Variants in TRIM72 observed in about 807,000 individuals in gnomAD.
TRIM72 encodes tripartite motif containing 72.
A neutral mutation model predicts 31.6 loss-of-function variants in TRIM72; 33 were observed. The ratio of observed to expected loss-of-function variants is 1.04; its 90% CI spans 0.79 to 1.40. TRIM72 has a LOEUF of 1.40. Ranked by LOEUF, TRIM72 falls within the 40% of genes most tolerant of loss-of-function variation. TRIM72 has a pLI of 0.00. For missense variants in TRIM72, 666 were observed against 682.7 expected (o/e 0.98, Z 0.27); for synonymous variants, 301 against 314.4 (o/e 0.96, Z 0.45).
Position 31,215,261 on chromosome 16 carries a change from G to A in TRIM72, c.390+133G>A. On this transcript the variant is annotated intron_variant, in intron 2 of 6. Transcript: ENST00000322122. The surrounding 1 kb of genome is among the most constrained non-coding windows in gnomAD (Gnocchi z 6.3). The stretch of plus-strand genomic sequence containing the variant: ...GCTCCTGGAGTTGCGGGGGGCGGGG[G>A]CGGGGCGAAGCAGCCAGGAAAGAGG... 7.8e-7 allele frequency: 1 copy of A among 1,277,262 alleles called. No individual in the cohort carries two copies. Among genetic ancestry groups the A allele is most frequent in the Non-Finnish European group, 1.0e-6 (1 of 992,184 alleles). The allele number at this position is 1,277,262 out of a possible 1,614,324, so 79.1% of individuals were successfully genotyped here.
chr16:31,225,769 C>T lies in TRIM72; in HGVS notation c.*1014C>T, dbSNP rs2079553566. 6.8e-6 allele frequency: 1 copy of T among 146,940 alleles called. No homozygotes were observed. Among genetic ancestry groups the T allele is most frequent in the South Asian group, 2.3e-4 (1 of 4,408 alleles). 9.1% of individuals were successfully genotyped at this position (146,940 alleles called of 1,614,324 possible). ...CAGGGTTCAAGCAATTCTCATGCCT[C>T]AGCCTCCCAAGTAGCTGGGACTACA... On this transcript the variant is annotated 3_prime_UTR_variant, in exon 7 of 7. Transcript: ENST00000322122.
At chr16:31,220,254 G>T (rs1390886085) in intron 4 of TRIM72, among the ~76,000 whole-genome samples, 1 of 149,658 alleles carries the variant, frequency 6.7e-6, no homozygotes, top group East Asian at 2.0e-4. Context: ...GCCCAGACTG[G>T]TCTCAAATGC....
Position 31,224,665 on chromosome 16 carries a change from C to T in TRIM72, c.1344C>T (p.Pro448=). The change falls in exon 7 of 7, where the codon CCC becomes CCT. Residue 448 remains proline, a synonymous_variant. Transcript: ENST00000322122. ...CCTTCCACGAGCGCCTGCCCAGGCC[C>T]GTGTACCCCTTCTTCGACGTGTGCT... is the stretch of plus-strand genomic sequence containing the variant. ...LFAFHERLPR[P]VYPFFDVCWH... 6.5e-7 allele frequency: 1 copy of T among 1,549,086 alleles called. No individual in the cohort carries two copies. Among genetic ancestry groups the T allele is most frequent in the Non-Finnish European group, 8.7e-7 (1 of 1,154,560 alleles).
In TRIM72 at chr16:31,224,864, G is replaced by A; in HGVS notation, c.*109G>A. On this transcript the variant is annotated 3_prime_UTR_variant, in exon 7 of 7. Coordinates refer to ENST00000322122, the MANE Select transcript of TRIM72 (RefSeq NM_001008274.4). ...GGAGCGGGTTGCCAGGGCCCAGGGG[G>A]CTGGGAACTGGGGGATCTCCCAGAA... The A allele has an allele frequency of 7.9e-6, 9 of 1,139,022 alleles. No homozygotes were observed. The highest frequency in any genetic ancestry group is 1.1e-5 in the Non-Finnish European group (9 of 847,400). The allele number at this position is 1,139,022 out of a possible 1,614,324, so 70.6% of individuals were successfully genotyped here.
In TRIM72 at chr16:31,229,603, C is replaced by G. The variant is rs1463197929; in HGVS notation, c.*4848C>G. 2 of 152,142 alleles carry G rather than the reference C, an allele frequency of 1.3e-5. No homozygotes were observed. Among genetic ancestry groups the G allele is most frequent in the African/African-American group, 4.8e-5 (2 of 41,414 alleles). The allele number at this position is 152,142 out of a possible 1,614,324, so 9.4% of individuals were successfully genotyped here. On this transcript the variant is annotated 3_prime_UTR_variant, in exon 7 of 7. Coordinates refer to ENST00000322122, the MANE Select transcript of TRIM72 (RefSeq NM_001008274.4). Reference sequence around the variant, plus strand: ...GGGATGTAGGAAGGTGAAATGTGAACAGAGAAAGGAGTTCCTCCAGCACAT... The same window carrying G: ...GGGATGTAGGAAGGTGAAATGTGAAGAGAGAAAGGAGTTCCTCCAGCACAT...
At chr16:31,217,114 G>A in intron 2 of TRIM72, 2 of 1,391,174 alleles carry the variant, frequency 1.4e-6, no homozygotes. Flanking sequence ...GCCGCCCCCG[G>A]GGATGTCCCG....
rs1483519539 is a variant in TRIM72 at position 31,219,210 on chromosome 16, A to C, written c.486+20A>C. The C allele has an allele frequency of 6.2e-7, 1 of 1,613,906 alleles. No homozygotes were observed. Among genetic ancestry groups the C allele is most frequent in the Non-Finnish European group, 8.5e-7 (1 of 1,179,886 alleles). ...GTGGAGGTGAGGACTTCACAGGGCCATGTCTGAGGGCTGGGGGCCAGGCTA... is the reference window on the plus strand; with the variant it reads ...GTGGAGGTGAGGACTTCACAGGGCCCTGTCTGAGGGCTGGGGGCCAGGCTA... On this transcript the variant is annotated intron_variant, in intron 3 of 6. Coordinates refer to ENST00000322122, the MANE Select transcript of TRIM72 (RefSeq NM_001008274.4). This position sits in a 1 kb window ranked among gnomAD's most constrained non-coding sequence, Gnocchi z 4.2.
In TRIM72 at chr16:31,219,818, A is replaced by C. The variant is rs1183733063; in HGVS notation, c.717+299A>C. 6.6e-6 allele frequency among the ~76,000 whole-genome samples: 1 copy of C among 152,134 alleles called. No individual in the cohort carries two copies. The highest frequency in any genetic ancestry group is 1.5e-5 in the Non-Finnish European group (1 of 68,014). ...TACTCTGTCACCCAGGCTGGAGTGC[A>C]GTGGCAGGATCTTGGCTCACTGCAA... On this transcript the variant is annotated intron_variant, in intron 4 of 6. Transcript: ENST00000322122. This position sits in a 1 kb window ranked among gnomAD's most constrained non-coding sequence, Gnocchi z 4.2.
chr16:31,217,858 C>T (rs2079517419), intron 2 of TRIM72, among the ~76,000 whole-genome samples: 1 of 152,052 alleles, frequency 6.6e-6, no homozygotes, highest in South Asian at 2.1e-4. Flanking sequence ...CGTGATCCAC[C>T]CGCCCTGGCC....
chr16:31,222,864 C>T lies in TRIM72; in HGVS notation c.778C>T (p.Arg260Cys), dbSNP rs1185990761. The change falls in exon 6 of 7, where the codon CGT (arginine) becomes TGT (cysteine). Residue 260 changes from arginine (R) to cysteine (C), a missense_variant. Coordinates refer to ENST00000322122, the MANE Select transcript of TRIM72 (RefSeq NM_001008274.4). ...CCTGGCAGAGTCTCCCCCACCCGCC[C>T]GTCTGGACATCCAGCTGCCAATTAT... ...KILAESPPPARLDIQLPIISD... is the reference protein window; with the variant it reads ...KILAESPPPACLDIQLPIISD... 16 of 1,548,954 alleles carry T rather than the reference C, an allele frequency of 1.0e-5. No individual in the cohort carries two copies. The highest frequency in any genetic ancestry group is 1.7e-4 in the Middle Eastern group (1 of 5,904).
In TRIM72 at chr16:31,224,517, A is replaced by G. The variant is rs1339179097; in HGVS notation, c.1196A>G (p.Glu399Gly). 3 of 1,501,130 alleles carry G rather than the reference A, an allele frequency of 2.0e-6. No homozygotes were observed. Among genetic ancestry groups the G allele is most frequent in the South Asian group, 1.3e-5 (1 of 79,180 alleles). 93.0% of individuals were successfully genotyped at this position (1,501,130 alleles called of 1,614,324 possible). A position where few individuals can be genotyped will look rare whatever the true frequency, so the allele number is the denominator to read the frequency against. ...CTGGAGGCACACGTGGAGGCCAAGGAGCCGCGCGCTCTGCGCAGCCCCGAG... is the reference window on the plus strand; with the variant it reads ...CTGGAGGCACACGTGGAGGCCAAGGGGCCGCGCGCTCTGCGCAGCCCCGAG... ...KILEAHVEAK[E>G]PRALRSPERR... The change falls in exon 7 of 7, where the codon GAG (glutamate) becomes GGG (glycine). Residue 399 changes from glutamate (E) to glycine (G), a missense_variant. Transcript: ENST00000322122.
rs2144200064 is a variant in TRIM72 at position 31,224,612 on chromosome 16, GACGCCGACGCGCT to G, written c.1292_1304del (p.Asp431AlafsTer49). 2 of 1,552,718 alleles carry G rather than the reference GACGCCGACGCGCT, an allele frequency of 1.3e-6. No homozygotes were observed. Among genetic ancestry groups the G allele is most frequent in the East Asian group, 2.4e-5 (1 of 41,834 alleles). ...CGTCCTCTCCTTCTACGATGCCAGC[GACGCCGACGCGCT>G]CGTGCCGCTTTTTGCCTTCCACGAG... On this transcript the variant is annotated frameshift_variant, in exon 7 of 7. Coordinates refer to ENST00000322122, the MANE Select transcript of TRIM72 (RefSeq NM_001008274.4). LOFTEE classifies it high-confidence loss of function.
In TRIM72 at chr16:31,224,452, G is replaced by C; in HGVS notation, c.1131G>C (p.Ser377=). ...GCGGGCGCCTGCACGCGGTGCCCTC[G>C]CAGGGCCTGTGGCTGCTGGGGCTGC... ...PRRGRLHAVP[S]QGLWLLGLRE... is the part of the protein sequence containing the mutation. Residue 377 remains serine, a synonymous_variant, in exon 7 of 7, where the codon TCG becomes TCC. Coordinates refer to ENST00000322122, the MANE Select transcript of TRIM72 (RefSeq NM_001008274.4). The C allele has an allele frequency of 6.9e-7, 1 of 1,450,398 alleles. No homozygotes were observed. Among genetic ancestry groups the C allele is most frequent in the Non-Finnish European group, 9.0e-7 (1 of 1,114,302 alleles). The allele number at this position is 1,450,398 out of a possible 1,614,324, so 89.8% of individuals were successfully genotyped here.
chr16:31,222,482 CTTTTTT>C lies in TRIM72; in HGVS notation c.741-334_741-329del, dbSNP rs3060409. On this transcript the variant is annotated intron_variant, in intron 5 of 6. Transcript: ENST00000322122. The stretch of plus-strand genomic sequence containing the variant: ...TGACAATTTTCAGCTTCTTCTTCTT[CTTTTTT>C]TTTTTTTTTTAGACAGGATCTTGCT... 1.1e-3 allele frequency among the ~76,000 whole-genome samples: 125 copies of C among 117,962 alleles called. 1 individual carries two copies. Among genetic ancestry groups the C allele is most frequent in the African/African-American group, 3.7e-3 (121 of 32,358 alleles). The allele number at this position is 117,962 out of a possible 152,430, so 77.4% of individuals were successfully genotyped here.
At chr16:31,223,621 T>G (rs1055189341) in intron 6 of TRIM72, among the ~76,000 whole-genome samples, 3 of 152,036 alleles carry the variant, frequency 2.0e-5, no homozygotes, top group Non-Finnish European at 2.9e-5. Context: ...TTAGTCCTGT[T>G]GGCCAGGCTC....
At chr16:31,217,615 AT>A (rs536702762) in intron 2 of TRIM72, among the ~76,000 whole-genome samples, 5,966 of 137,098 alleles carry the variant, frequency 0.044, 270 homozygotes, top group African/African-American at 0.13. Flanking sequence ...TGCAGGGGAC[AT>A]TTTTTTTTTT....
intron 2 of TRIM72, chr16:31,217,002 C>A: frequency 6.2e-7 from 1 of 1,613,732 alleles, no homozygotes; most frequent in African/African-American, 1.3e-5. Flanking sequence ...CCAGCACCTT[C>A]AGGATGGCCT....
rs1320263821 is a variant in TRIM72, at chr16:31,229,942, G to A, written c.*5187G>A. 2 of 152,030 alleles carry A rather than the reference G, an allele frequency of 1.3e-5. No individual in the cohort carries two copies. The highest frequency in any genetic ancestry group is 4.8e-5 in the African/African-American group (2 of 41,392). The allele number at this position is 152,030 out of a possible 1,614,324, so 9.4% of individuals were successfully genotyped here. ...ATCTTTACTAAAAATACAAAAATTA[G>A]CCAGGCATGGTGGTGCATGCCTGCA... On this transcript the variant is annotated 3_prime_UTR_variant, in exon 7 of 7. Coordinates refer to ENST00000322122, the MANE Select transcript of TRIM72 (RefSeq NM_001008274.4).
At position 31,228,044 on chromosome 16, in the gene TRIM72, G is replaced by C. The variant is rs543198577; in HGVS notation, c.*3289G>C. ...GGCTCACTGCAACCTCTGCCTCCCA[G>C]GTTCAAGTGATCCTCCTGCCTCAGC... is the stretch of plus-strand genomic sequence containing the variant. On this transcript the variant is annotated 3_prime_UTR_variant, in exon 7 of 7. Coordinates refer to ENST00000322122, the MANE Select transcript of TRIM72 (RefSeq NM_001008274.4). 6.6e-6 allele frequency: 1 copy of C among 152,422 alleles called. No individual in the cohort carries two copies. Among genetic ancestry groups the C allele is most frequent in the East Asian group, 1.9e-4 (1 of 5,160 alleles). The allele number at this position is 152,422 out of a possible 1,614,324, so 9.4% of individuals were successfully genotyped here. A position where few individuals can be genotyped will look rare whatever the true frequency, so the allele number is the denominator to read the frequency against.
Sources: allele counts gnomAD v4.1 joint callset (sites outside exome capture counted in the v4.1 genomes callset), GRCh38; gene constraint gnomAD v4.1.1; non-coding constraint Gnocchi (gnomAD v3.1); transcripts MANE v1.5; gene names NCBI Gene and HGNC (gene_info 2026-07-23, HGNC 2026-07-21).